Variants in LINGO2 observed in about 807,000 individuals in gnomAD.
LINGO2 encodes the protein leucine-rich repeat and immunoglobulin-like domain-containing nogo receptor-interacting protein 2.
LINGO2 carries 14 observed loss-of-function variants against 30.6 expected under a neutral mutation model. The observed-to-expected ratio is 0.46, with a 90% CI of 0.30 to 0.72. The LOEUF is 0.72. Among genes scored for constraint, LINGO2 ranks in the 30% least tolerant of loss-of-function variants. LINGO2 has a pLI of 0.07. For synonymous variants in LINGO2, 317 were observed against 288.5 expected, an observed-to-expected ratio of 1.10 and a Z score of -1.00; for missense variants, 729 against 751.7, an observed-to-expected ratio of 0.97 and a Z score of 0.35.
At chr9:28,569,624 G>C (rs1342825097) in intron 1 of LINGO2, among the ~76,000 whole-genome samples, 1 of 119,224 alleles carries the variant, frequency 8.4e-6, no homozygotes, top group Non-Finnish European at 1.7e-5. Context: ...CCAGGGGCTG[G>C]GGGGTAGAAC....
At chr9:28,586,338 T>A (rs1370029602) in intron 1 of LINGO2, among the ~76,000 whole-genome samples, 1 of 152,086 alleles carries the variant, frequency 6.6e-6, no homozygotes, top group Admixed American at 6.6e-5. Flanking sequence ...ATTTCATTTC[T>A]CATTGGGTTT....
chr9:28,452,004 T>C (rs1015191578), intron 2 of LINGO2, among the ~76,000 whole-genome samples: 2 of 151,690 alleles, frequency 1.3e-5, no homozygotes, highest in Admixed American at 6.6e-5. Flanking sequence ...AACTCTAACA[T>C]TGAAATAGGT....
chr9:28,689,677 G>C, the LINGO2 span, among the ~76,000 whole-genome samples: 2 of 151,884 alleles, frequency 1.3e-5, no homozygotes, highest in Non-Finnish European at 2.9e-5. Context: ...AGGTAGAAAT[G>C]TCATCTGACC....
chr9:28,031,545 C>A (rs1823672083), intron 4 of LINGO2, among the ~76,000 whole-genome samples: 1 of 152,154 alleles, frequency 6.6e-6, no homozygotes, highest in Non-Finnish European at 1.5e-5. Flanking sequence ...AATCTAGGAT[C>A]TGCCACTTAC....
At chr9:28,123,875 C>T (rs1827167464) in intron 4 of LINGO2, among the ~76,000 whole-genome samples, 1 of 152,038 alleles carries the variant, frequency 6.6e-6, no homozygotes, top group South Asian at 2.1e-4. Flanking sequence ...ACCGTGTTAG[C>T]CAGGATGGTC....
At chr9:28,885,478 T>A in the LINGO2 span, among the ~76,000 whole-genome samples, 1 of 75,112 alleles carries the variant, frequency 1.3e-5, no homozygotes, top group Admixed American at 1.6e-4. Context: ...TATACATACA[T>A]ATACACGTTT....
intron 4 of LINGO2, among the ~76,000 whole-genome samples, chr9:28,019,618 A>G (rs538443936): frequency 1.3e-5 from 2 of 152,296 alleles, no homozygotes; most frequent in East Asian, 3.9e-4. Flanking sequence ...AGCAGGGCTT[A>G]TCTTTAAGTG....
At chr9:28,851,845 A>G in the LINGO2 span, among the ~76,000 whole-genome samples, 1 of 151,794 alleles carries the variant, frequency 6.6e-6, no homozygotes, top group South Asian at 2.1e-4. Flanking sequence ...ACTTTTAATT[A>G]TTTGCACTGA....
chr9:28,535,351 T>C lies in LINGO2; in HGVS notation c.-364-59326A>G, dbSNP rs149291701. ...ACTTTTGCAGGGATCATGAATTATATTAGTATTCTGATAAAAGACATCAAT... is the reference window on the plus strand; with the variant it reads ...ACTTTTGCAGGGATCATGAATTATACTAGTATTCTGATAAAAGACATCAAT... On this transcript the variant is annotated intron_variant, in intron 1 of 5. Transcript: ENST00000379992. Among the ~76,000 whole-genome samples the C allele has an allele frequency of 1.4e-4, 21 of 152,180 alleles. No homozygotes were observed. In the East Asian group the frequency reaches 3.9e-3, roughly 28 times the overall value.
the LINGO2 span, among the ~76,000 whole-genome samples, chr9:28,831,789 A>G: frequency 2.0e-5 from 3 of 152,196 alleles, no homozygotes; most frequent in African/African-American, 7.2e-5. Flanking sequence ...GTAATTCTTC[A>G]TTACAGTGGC....
chr9:28,039,339 C>G (rs1012788696), intron 4 of LINGO2, among the ~76,000 whole-genome samples: 5 of 152,120 alleles, frequency 3.3e-5, no homozygotes, highest in Non-Finnish European at 5.9e-5. Context: ...TATATATAAA[C>G]TAAGTGCAAA....
intron 1 of LINGO2, among the ~76,000 whole-genome samples, chr9:28,506,882 T>A (rs1443069132): frequency 6.6e-6 from 1 of 152,012 alleles, no homozygotes; most frequent in Non-Finnish European, 1.5e-5. Flanking sequence ...GATTAAATCA[T>A]CTTCTCTACA....
the LINGO2 span, among the ~76,000 whole-genome samples, chr9:29,168,816 A>C: frequency 6.6e-6 from 1 of 152,238 alleles, no homozygotes. Flanking sequence ...CTCCCACAGG[A>C]AACTTTAGTC....
chr9:29,094,146 A>T, the LINGO2 span, among the ~76,000 whole-genome samples: 2 of 139,120 alleles, frequency 1.4e-5, 1 homozygote, highest in African/African-American at 5.4e-5. Context: ...ACATTTTGTC[A>T]TTAAACAATG....
the LINGO2 span, among the ~76,000 whole-genome samples, chr9:28,759,362 T>A: frequency 6.6e-6 from 1 of 151,986 alleles, no homozygotes; most frequent in African/African-American, 2.4e-5. Context: ...TCTGGGTAGA[T>A]TGCTGAAGGA....
intron 4 of LINGO2, among the ~76,000 whole-genome samples, chr9:28,240,564 T>C (rs1048826595): frequency 2.0e-5 from 3 of 152,166 alleles, no homozygotes; most frequent in Admixed American, 6.6e-5. Flanking sequence ...CTTCAATAAA[T>C]GGTGCTGGGA....
chr9:28,496,217 C>T (rs1388567990), intron 1 of LINGO2, among the ~76,000 whole-genome samples: 2 of 151,970 alleles, frequency 1.3e-5, no homozygotes, highest in Non-Finnish European at 2.9e-5. Flanking sequence ...GATATCCTTT[C>T]TAACTTTCTG....
intron 3 of LINGO2, among the ~76,000 whole-genome samples, chr9:28,326,943 C>T (rs528506901): frequency 6.6e-6 from 1 of 152,260 alleles, no homozygotes; most frequent in East Asian, 1.9e-4. Flanking sequence ...ATCCAACAGG[C>T]TTGCTAAGGT....
At chr9:28,041,881 T>C (rs140262780) in intron 4 of LINGO2, among the ~76,000 whole-genome samples, 2 of 152,174 alleles carry the variant, frequency 1.3e-5, no homozygotes, top group African/African-American at 2.4e-5. Flanking sequence ...TCAAAACCCA[T>C]GAACTACTTT....
Sources: allele counts gnomAD v4.1 joint callset (sites outside exome capture counted in the v4.1 genomes callset), GRCh38; gene constraint gnomAD v4.1.1; transcripts MANE v1.5; gene names NCBI Gene and HGNC (gene_info 2026-07-23, HGNC 2026-07-21).